SOX5: variants seen among roughly 807,000 people sequenced by gnomAD.
The protein encoded by SOX5 is SRY-box transcription factor 5.
In SOX5, 9 loss-of-function variants were observed where a neutral mutation model predicts 92.0. The ratio of observed to expected loss-of-function variants is 0.10; its 90% CI spans 0.06 to 0.17. The LOEUF is 0.17. Among genes scored for constraint, SOX5 ranks in the 10% least tolerant of loss-of-function variants. SOX5 has a pLI of 1.00. For synonymous variants in SOX5, 344 were observed against 336.3 expected (o/e 1.02, Z -0.25); for missense variants, 642 against 944.5 (o/e 0.68, Z 4.20).
intron 1 of SOX5, chr12:24,460,891 T>A (rs74068345): frequency 6.6e-6 from 1 of 152,198 alleles, no homozygotes; most frequent in Non-Finnish European, 1.5e-5. Flanking sequence ...TTCCCACTTA[T>A]ATGACTGTAC....
chr12:23,739,284 A>G (rs1001691234), intron 5 of SOX5, among the ~76,000 whole-genome samples: 9 of 152,162 alleles, frequency 5.9e-5, no homozygotes, highest in Admixed American at 1.3e-4. Flanking sequence ...CCTCCCCTCT[A>G]TCTTACGTTG....
intron 4 of SOX5, among the ~76,000 whole-genome samples, chr12:24,024,808 C>A (rs1462920317): frequency 6.6e-6 from 1 of 151,920 alleles, no homozygotes; most frequent in African/African-American, 2.4e-5. Context: ...AATTTTATTT[C>A]TGATTATGAA....
At chr12:23,943,349 T>A (rs987772179) in intron 1 of SOX5, among the ~76,000 whole-genome samples, 1 of 152,034 alleles carries the variant, frequency 6.6e-6, no homozygotes, top group African/African-American at 2.4e-5. Flanking sequence ...CACTCCACAT[T>A]TCATTTAAGT....
At chr12:24,488,342 G>A (rs138346641) in intron 1 of SOX5, among the ~76,000 whole-genome samples, 4 of 152,134 alleles carry the variant, frequency 2.6e-5, no homozygotes, top group Admixed American at 1.3e-4. Flanking sequence ...TAATCCCAGC[G>A]CTTTGAGAGG....
chr12:24,514,729 A>T (rs1432488624), intron 1 of SOX5, among the ~76,000 whole-genome samples: 1 of 152,244 alleles, frequency 6.6e-6, no homozygotes, highest in Non-Finnish European at 1.5e-5. Context: ...AGCCATAAAA[A>T]GGATGAGCTC....
At chr12:23,815,682 T>C (rs150719769) in intron 3 of SOX5, among the ~76,000 whole-genome samples, 9 of 152,318 alleles carry the variant, frequency 5.9e-5, no homozygotes, top group African/African-American at 2.2e-4. Flanking sequence ...TTCAGTATTT[T>C]CTCTATTAAA....
intron 11 of SOX5, among the ~76,000 whole-genome samples, chr12:23,555,355 A>G (rs954721007): frequency 1.7e-4 from 26 of 152,040 alleles, no homozygotes; most frequent in African/African-American, 6.3e-4. Flanking sequence ...ATGCCCTATG[A>G]GTCTCATTTT....
intron 4 of SOX5, among the ~76,000 whole-genome samples, chr12:24,100,481 C>T (rs914159875): frequency 1.3e-5 from 2 of 152,112 alleles, no homozygotes; most frequent in Non-Finnish European, 2.9e-5. Flanking sequence ...CCTCCTACAT[C>T]ACTGTTTCTT....
chr12:23,568,151 GGAGA>G (rs942502379), intron 10 of SOX5, among the ~76,000 whole-genome samples: 2 of 152,128 alleles, frequency 1.3e-5, no homozygotes, highest in African/African-American at 2.4e-5. Context: ...CCTTATAAGA[GGAGA>G]GAGATTTGAC....
intron 1 of SOX5, among the ~76,000 whole-genome samples, chr12:24,434,905 A>C (rs1055935936): frequency 6.6e-6 from 1 of 152,234 alleles, no homozygotes; most frequent in African/African-American, 2.4e-5. Context: ...AAGCAGTGCA[A>C]GAATGGACTA....
At chr12:24,130,779 C>G (rs897154183) in intron 4 of SOX5, among the ~76,000 whole-genome samples, 1 of 152,172 alleles carries the variant, frequency 6.6e-6, no homozygotes, top group Admixed American at 6.6e-5. Flanking sequence ...TCTTTTTCCT[C>G]TATGCATTCT....
chr12:24,354,645 T>C (rs1954567718), intron 2 of SOX5, among the ~76,000 whole-genome samples: 1 of 152,156 alleles, frequency 6.6e-6, no homozygotes, highest in South Asian at 2.1e-4. Context: ...AGCTGACAGA[T>C]GAACAATATT....
At chr12:24,221,336 A>T (rs1960371411) in intron 3 of SOX5, among the ~76,000 whole-genome samples, 1 of 152,194 alleles carries the variant, frequency 6.6e-6, no homozygotes, top group Non-Finnish European at 1.5e-5. Flanking sequence ...CTCTAAAATT[A>T]ATTTGTTTTA....
At chr12:24,212,491 A>T in intron 4 of SOX5, 1 of 534,130 alleles carries the variant, frequency 1.9e-6, no homozygotes, top group Non-Finnish European at 3.8e-6. Context: ...GGAAGCAGTA[A>T]CACGGGAGGG....
chr12:24,529,260 A>G (rs940004054), intron 1 of SOX5, among the ~76,000 whole-genome samples: 3 of 152,246 alleles, frequency 2.0e-5, no homozygotes, highest in Non-Finnish European at 4.4e-5. Flanking sequence ...CGTGGCTTCC[A>G]TGAATTCAGA....
chr12:23,730,058 T>C (rs1434649152), intron 6 of SOX5, among the ~76,000 whole-genome samples: 1 of 152,062 alleles, frequency 6.6e-6, no homozygotes, highest in Non-Finnish European at 1.5e-5. Context: ...TGTGAAACAG[T>C]GAATCAGGTC....
Position 23,621,015 on chromosome 12 carries a change from T to C in SOX5, c.1018-16482A>G, listed in dbSNP as rs77297438. On this transcript the variant is annotated intron_variant, in intron 8 of 14. Coordinates refer to ENST00000451604, the MANE Select transcript of SOX5 (RefSeq NM_006940.6). ...TAATCTTTCATTATTTGTCACATAG[T>C]TGTTTAATATTTCTCTATTTGACAC... 7.4e-3 allele frequency among the ~76,000 whole-genome samples: 1,123 copies of C among 152,252 alleles called. 9 individuals carry two copies. Among genetic ancestry groups the C allele is most frequent in the African/African-American group, 0.024 (1,005 of 41,562 alleles).
At chr12:24,394,375 C>T (rs960257054) in intron 1 of SOX5, among the ~76,000 whole-genome samples, 5 of 152,160 alleles carry the variant, frequency 3.3e-5, no homozygotes, top group Admixed American at 1.3e-4. Flanking sequence ...GGAATCATTG[C>T]AGAGGCTGCT....
In SOX5 at chr12:23,970,841, A is replaced by ATATATATATATATATATATAAAATT; in HGVS notation, c.-1-74818_-1-74817insAATTTTATATATATATATATATATA. Among the ~76,000 whole-genome samples, 47 of 21,876 alleles carry ATATATATATATATATATATAAAATT rather than the reference A, an allele frequency of 2.1e-3. 5 individuals carry two copies. The highest frequency in any genetic ancestry group is 4.0e-3 in the African/African-American group (32 of 8,034). The allele number at this position is 21,876 out of a possible 152,430, so 14.4% of individuals were successfully genotyped here. A position where few individuals can be genotyped will look rare whatever the true frequency, so the allele number is the denominator to read the frequency against. On this transcript the variant is annotated intron_variant, in intron 4 of 4. Coordinates refer to the SOX5 transcript ENST00000446891. ...ACATGGGACTTTATATATATATATA[A>ATATATATATATATATATATAAAATT]TTTTTTTTTTTTTTTAAGAAATGGG...
Sources: allele counts gnomAD v4.1 joint callset (sites outside exome capture counted in the v4.1 genomes callset), GRCh38; gene constraint gnomAD v4.1.1; transcripts MANE v1.5; gene names NCBI Gene and HGNC (gene_info 2026-07-23, HGNC 2026-07-21).